The following LNX1 variants were observed in gnomAD, a reference collection of about 807,000 sequenced individuals.
LNX1 encodes E3 ubiquitin-protein ligase LNX.
In LNX1, 54 loss-of-function variants were observed where a neutral mutation model predicts 68.4. The ratio of observed to expected loss-of-function variants is 0.79; its 90% CI spans 0.63 to 0.99. LNX1 has a LOEUF of 0.99. Ranked by LOEUF, LNX1 falls within the 50% of genes least tolerant of loss-of-function variation. LNX1 has a pLI of 0.00. For missense variants in LNX1, 906 were observed against 926.4 expected (o/e 0.98, Z 0.29); for synonymous variants, 336 against 350.0 (o/e 0.96, Z 0.45).
At chr4:53,464,874 C>G (rs925345387) in intron 9 of LNX1, among the ~76,000 whole-genome samples, 11 of 151,992 alleles carry the variant, frequency 7.2e-5, no homozygotes, top group Non-Finnish European at 1.5e-4. Flanking sequence ...ACTATAGAGT[C>G]AAATTTAAAT....
chr4:53,645,490 G>A (rs574629050), intron 1 of LNX1, among the ~76,000 whole-genome samples: 1 of 152,340 alleles, frequency 6.6e-6, no homozygotes, highest in East Asian at 1.9e-4. Flanking sequence ...AGCCCAAAGA[G>A]CAAGGGCCAC....
rs562247561 is a variant in LNX1 at position 53,572,413 on chromosome 4, G to A, written c.380+1210C>T. Among the ~76,000 whole-genome samples the A allele has an allele frequency of 4.7e-4, 72 of 152,264 alleles. No individual in the cohort carries two copies. The Middle Eastern group carries it at 0.01, about 22-fold the overall frequency. ...AGAAAAATGAATTCACTGACATAATGAGCGTGGAAAACATGTGCTAAGCAT... is the reference window on the plus strand; with the variant it reads ...AGAAAAATGAATTCACTGACATAATAAGCGTGGAAAACATGTGCTAAGCAT... On this transcript the variant is annotated intron_variant, in intron 2 of 10. Coordinates refer to ENST00000263925, the MANE Select transcript of LNX1 (RefSeq NM_001126328.3).
chr4:53,510,007 A>G (rs929722914), intron 2 of LNX1, among the ~76,000 whole-genome samples: 3 of 152,260 alleles, frequency 2.0e-5, no homozygotes, highest in African/African-American at 7.2e-5. Flanking sequence ...ATATTGATGA[A>G]GTACATATTC....
intron 6 of LNX1, among the ~76,000 whole-genome samples, chr4:53,488,049 T>C (rs776524670): frequency 8.5e-5 from 13 of 152,182 alleles, no homozygotes; most frequent in Non-Finnish European, 1.9e-4. Flanking sequence ...TCCATAAAAT[T>C]AGAAAGTCAC....
intron 2 of LNX1, among the ~76,000 whole-genome samples, chr4:53,604,490 A>G (rs1028442158): frequency 6.6e-6 from 1 of 152,232 alleles, no homozygotes; most frequent in Non-Finnish European, 1.5e-5. Flanking sequence ...GGATGCAGGA[A>G]GAAGCAAGAG....
chr4:53,473,225 G>A (rs1221668204), intron 9 of LNX1, among the ~76,000 whole-genome samples: 1 of 152,146 alleles, frequency 6.6e-6, no homozygotes, highest in Admixed American at 6.5e-5. Flanking sequence ...CAGAAGAAAT[G>A]AGCCAATGGA....
intron 1 of LNX1, among the ~76,000 whole-genome samples, chr4:53,645,187 T>C (rs1292390799): frequency 6.6e-6 from 1 of 152,154 alleles, no homozygotes; most frequent in African/African-American, 2.4e-5. Context: ...ACGGTGGCCC[T>C]TACACAAATT....
chr4:53,469,393 G>T (rs964689741), intron 9 of LNX1, among the ~76,000 whole-genome samples: 2 of 152,196 alleles, frequency 1.3e-5, no homozygotes, highest in African/African-American at 4.8e-5. Context: ...AAGCAGGAAA[G>T]ATCTAAAATT....
chr4:53,586,676 T>C (rs1371681389), intron 1 of LNX1, among the ~76,000 whole-genome samples: 2 of 152,210 alleles, frequency 1.3e-5, no homozygotes, highest in African/African-American at 2.4e-5. Flanking sequence ...CAGAGAGAAG[T>C]TCTTTCAGAT....
intron 6 of LNX1, among the ~76,000 whole-genome samples, chr4:53,492,541 G>GAGAC: frequency 6.6e-6 from 1 of 151,640 alleles, no homozygotes; most frequent in East Asian, 2.0e-4. Context: ...GAGAGAGAGA[G>GAGAC]AGTGGCATCC....
At chr4:53,630,278 A>G (rs1339545110) in intron 1 of LNX1, among the ~76,000 whole-genome samples, 1 of 152,148 alleles carries the variant, frequency 6.6e-6, no homozygotes, top group Non-Finnish European at 1.5e-5. Context: ...TTTCATAGTT[A>G]TGAATTTAGC....
intron 1 of LNX1, among the ~76,000 whole-genome samples, chr4:53,625,222 G>T (rs1185140323): frequency 6.6e-6 from 1 of 151,980 alleles, no homozygotes; most frequent in African/African-American, 2.4e-5. Context: ...AAATAAATTG[G>T]TTTTCATCAC....
chr4:53,571,361 C>CT (rs1731155552), intron 2 of LNX1, among the ~76,000 whole-genome samples: 1 of 151,974 alleles, frequency 6.6e-6, no homozygotes, highest in South Asian at 2.1e-4. Context: ...TTGGATTATC[C>CT]AGGTGGGCCC....
At chr4:53,510,617 G>A (rs1411982724) in intron 2 of LNX1, among the ~76,000 whole-genome samples, 2 of 152,212 alleles carry the variant, frequency 1.3e-5, no homozygotes, top group African/African-American at 2.4e-5. Flanking sequence ...GAAACACTGT[G>A]TGATGGAAAA....
At position 53,507,853 on chromosome 4, in the gene LNX1, T is replaced by A; in HGVS notation, c.622+133A>T. 3 of 1,205,604 alleles carry A rather than the reference T, an allele frequency of 2.5e-6. No individual in the cohort carries two copies. The South Asian group carries it at 4.8e-5, about 19-fold the overall frequency. 74.7% of individuals were successfully genotyped at this position (1,205,604 alleles called of 1,614,324 possible). On this transcript the variant is annotated intron_variant, in intron 3 of 10. Coordinates refer to ENST00000263925, the MANE Select transcript of LNX1 (RefSeq NM_001126328.3). ...TCATTTCACTTTGGCGAATTGGACA[T>A]TGGGTTCCTGCCAAAACTACCAGAA...
chr4:53,610,829 A>C (rs1168357907), intron 2 of LNX1, among the ~76,000 whole-genome samples: 1 of 151,962 alleles, frequency 6.6e-6, no homozygotes, highest in Non-Finnish European at 1.5e-5. Context: ...AAGGCAAAAT[A>C]AGTAATAGGA....
At chr4:53,463,742 G>A (rs1278767820) in intron 9 of LNX1, among the ~76,000 whole-genome samples, 3 of 152,092 alleles carry the variant, frequency 2.0e-5, no homozygotes, top group South Asian at 2.1e-4. Flanking sequence ...GAGTTAATGA[G>A]TATGGTGGCT....
At chr4:53,600,101 T>A (rs1486777227) in intron 2 of LNX1, among the ~76,000 whole-genome samples, 1 of 152,224 alleles carries the variant, frequency 6.6e-6, no homozygotes, top group Admixed American at 6.5e-5. Context: ...AAATCCCTGT[T>A]AATTCTATTT....
chr4:53,518,111 C>A (rs1577647470), intron 2 of LNX1, among the ~76,000 whole-genome samples: 1 of 152,280 alleles, frequency 6.6e-6, no homozygotes, highest in East Asian at 1.9e-4. Flanking sequence ...TGTGAAAATG[C>A]AGGCCACCAT....
Sources: gnomAD v4.1 joint callset for allele counts (sites outside exome capture counted in the v4.1 genomes callset) on GRCh38, gnomAD v4.1.1 for gene constraint, MANE v1.5 for transcripts, NCBI Gene and HGNC (gene_info 2026-07-23, HGNC 2026-07-21) for gene names.